The following SNX5 variants were observed in gnomAD, a reference collection of about 807,000 sequenced individuals.
SNX5 encodes the protein sorting nexin 5.
In SNX5, 31 loss-of-function variants were observed where a neutral mutation model predicts 53.9. The observed-to-expected ratio is 0.58, with a 90% CI of 0.43 to 0.78. The LOEUF is 0.78. SNX5 is among the 30% of genes least tolerant of loss of function. SNX5 has a pLI of 0.00. For synonymous variants in SNX5, 168 were observed against 171.1 expected, an observed-to-expected ratio of 0.98 and a Z score of 0.14; for missense variants, 471 against 478.8, an observed-to-expected ratio of 0.98 and a Z score of 0.15.
At chr20:17,951,737 C>T in intron 5 of SNX5, 142 bp from the exon 6 acceptor site, 3 of 606,752 alleles carry the variant, frequency 4.9e-6, no homozygotes, top group Non-Finnish European at 5.9e-6. Flanking sequence ...CCTTAACCTC[C>T]AAGCTTAAAA....
Position 17,968,698 on chromosome 20 carries a change from AC to A in SNX5, c.-274del. The A allele has an allele frequency of 2.0e-6, 1 of 495,450 alleles. No homozygotes were observed. The highest frequency in any genetic ancestry group is 3.7e-5 in the Admixed American group (1 of 27,038). The allele number at this position is 495,450 out of a possible 1,614,324, so 30.7% of individuals were successfully genotyped here. On this transcript the variant is annotated 5_prime_UTR_variant, in exon 1 of 13. Coordinates refer to ENST00000377759, the MANE Select transcript of SNX5 (RefSeq NM_014426.4). ...CGGGCAAAGACGCCACGTGGGGCCT[AC>A]CCTTGCTCCGCTCCACGAGGAGGCC...
At chr20:17,955,647 C>T (rs2035340462) in intron 2 of SNX5, among the ~76,000 whole-genome samples, 172 bp from the exon 3 acceptor site, 1 of 152,218 alleles carries the variant, frequency 6.6e-6, no homozygotes, top group Non-Finnish European at 1.5e-5. Context: ...AAGATTCAAC[C>T]TGAACTCTAA....
At chr20:17,958,002 CAAAAAAA>C (rs59621613) in intron 1 of SNX5, among the ~76,000 whole-genome samples, 13 of 107,864 alleles carry the variant, frequency 1.2e-4, no homozygotes, top group Admixed American at 2.9e-4. Flanking sequence ...TTCTGCCCGT[CAAAAAAA>C]AAAAAAAAAA....
intron 1 of SNX5, among the ~76,000 whole-genome samples, chr20:17,959,872 A>C (rs552823664): frequency 6.6e-6 from 1 of 152,252 alleles, no homozygotes; most frequent in Admixed American, 6.5e-5. Context: ...AATAATTGCC[A>C]GGCTCCACTC....
Position 17,955,455 on chromosome 20 carries a change from C to T in SNX5, c.177G>A (p.Gln59=). 1.2e-6 allele frequency: 2 copies of T among 1,614,006 alleles called. No individual in the cohort carries two copies. The highest frequency in any genetic ancestry group is 1.7e-6 in the Non-Finnish European group (2 of 1,179,916). ...VHTKTTLPTF[Q]SPEFSVTRQH... The stretch of plus-strand genomic sequence containing the variant: ...GCCTTGTAACAGAAAACTCTGGGCT[C>T]TGAAACGTGGGCAGTGTGGTCTGTA... Residue 59 remains glutamine (Q), a synonymous_variant, in exon 3 of 13, where the codon CAG becomes CAA. Transcript: ENST00000377759.
At chr20:17,949,245 C>A (rs1600336592) in intron 8 of SNX5, 142 bp from the exon 9 acceptor site, 3 of 673,796 alleles carry the variant, frequency 4.5e-6, no homozygotes, top group Non-Finnish European at 7.8e-6. Flanking sequence ...AGTGCTCTCA[C>A]TTCAACTGAC....
chr20:17,942,488 G>A (rs140282034), intron 12 of SNX5, 81 bp from the exon 13 acceptor site: 249 of 1,043,950 alleles, frequency 2.4e-4, no homozygotes, highest in African/African-American at 2.2e-3. Flanking sequence ...ACACCAACAC[G>A]GCTTTTCACG....
At chr20:17,968,344 G>A (rs769390124) in intron 1 of SNX5, 31 bp downstream of exon 1, 4 of 1,259,410 alleles carry the variant, frequency 3.2e-6, no homozygotes, top group Middle Eastern at 3.1e-4. Flanking sequence ...AGGGCCGCCC[G>A]CCCAGGAGTC....
At chr20:17,948,184 C>G (rs2039512194) in intron 10 of SNX5, among the ~76,000 whole-genome samples, 1 of 152,190 alleles carries the variant, frequency 6.6e-6, no homozygotes, top group Non-Finnish European at 1.5e-5. Context: ...ACATTTAAAA[C>G]TAGGTGAAAT....
chr20:17,942,931 T>C (rs6075267), intron 12 of SNX5, 179 bp downstream of exon 12: 47,785 of 525,888 alleles, frequency 0.091, 3,112 homozygotes, highest in Middle Eastern at 0.15. Context: ...AAATTAGTCA[T>C]GGGTGACATT....
At position 17,966,021 on chromosome 20, in the gene SNX5, GAGC is replaced by G. The variant is rs143727704; in HGVS notation, c.51+2351_51+2353del. 2.0e-5 allele frequency among the ~76,000 whole-genome samples: 3 copies of G among 152,184 alleles called. No individual in the cohort carries two copies. In the East Asian group the frequency reaches 5.8e-4, roughly 29 times the overall value. ...TCCACACCAGTTAAACACGAAACCA[GAGC>G]AGCAGTACTTAGTCTACAAACACTC... On this transcript the variant is annotated intron_variant, in intron 1 of 12. Coordinates refer to ENST00000377759, the MANE Select transcript of SNX5 (RefSeq NM_014426.4).
chr20:17,947,729 T>C, intron 10 of SNX5, 84 bp from the exon 11 acceptor site: 3 of 1,173,870 alleles, frequency 2.6e-6, no homozygotes, highest in Non-Finnish European at 3.5e-6. Context: ...CCACCTGAGA[T>C]GTTAGTGGCA....
intron 1 of SNX5, chr20:17,967,846 C>T (rs778770733): frequency 5.1e-6 from 2 of 390,552 alleles, no homozygotes; most frequent in Non-Finnish European, 9.0e-6. Flanking sequence ...AAAAATTACA[C>T]AACTCCCACA....
chr20:17,946,073 T>C (rs1327413635), intron 11 of SNX5, among the ~76,000 whole-genome samples: 1 of 152,176 alleles, frequency 6.6e-6, no homozygotes, highest in Non-Finnish European at 1.5e-5. Context: ...CAGAATCCTC[T>C]TAGGTAAGGA....
At position 17,943,097 on chromosome 20, in the gene SNX5, A is replaced by G; in HGVS notation, c.1164+13T>C. ...CATAAAAGATGTTGGCTTCATCTGTAGAAAACACTTACCCTGGCATGTTTT... is the reference window on the plus strand; with the variant it reads ...CATAAAAGATGTTGGCTTCATCTGTGGAAAACACTTACCCTGGCATGTTTT... On this transcript the variant is annotated intron_variant, in intron 12 of 12. Coordinates refer to ENST00000377759, the MANE Select transcript of SNX5 (RefSeq NM_014426.4). 6.4e-7 allele frequency: 1 copy of G among 1,552,104 alleles called. No individual in the cohort carries two copies. Among genetic ancestry groups the G allele is most frequent in the South Asian group, 1.1e-5 (1 of 89,392 alleles).
rs183920224 is a variant in SNX5 at position 17,962,931 on chromosome 20, T to A, written c.51+5444A>T. Reference sequence around the variant, plus strand: ...CAGCGCACTCAGCGAATGGATAAACTGAATCATCATTTCACAAGGCTGCAA... The same window carrying A: ...CAGCGCACTCAGCGAATGGATAAACAGAATCATCATTTCACAAGGCTGCAA... On this transcript the variant is annotated intron_variant, in intron 1 of 12. Transcript: ENST00000377759. 7.7e-6 allele frequency: 4 copies of A among 516,876 alleles called. No individual in the cohort carries two copies. In the Admixed American group the frequency reaches 7.8e-5, roughly 10 times the overall value. 32.0% of individuals were successfully genotyped at this position (516,876 alleles called of 1,614,324 possible). A position where few individuals can be genotyped will look rare whatever the true frequency, so the allele number is the denominator to read the frequency against.
intron 2 of SNX5, among the ~76,000 whole-genome samples, chr20:17,955,983 A>G (rs1418582769): frequency 1.7e-4 from 26 of 152,084 alleles, no homozygotes; most frequent in Admixed American, 1.7e-3. Flanking sequence ...TTTGGAAGAG[A>G]CAGGTTTTTG....
At chr20:17,959,307 T>G (rs1194091139) in intron 1 of SNX5, among the ~76,000 whole-genome samples, 2 of 152,186 alleles carry the variant, frequency 1.3e-5, no homozygotes, top group Non-Finnish European at 2.9e-5. Context: ...TCTCTTTTCG[T>G]CCCTTTCCCC....
Position 17,942,095 on chromosome 20 carries a change from G to C in SNX5, c.*262C>G, listed in dbSNP as rs1437344760. On this transcript the variant is annotated 3_prime_UTR_variant, in exon 13 of 13. Coordinates refer to ENST00000377759, the MANE Select transcript of SNX5 (RefSeq NM_014426.4). ...CCTACACCCTTTCTTAGTAACTAAA[G>C]ACGAACTACGGGAGAACCCAGTATT... 1 of 410,772 alleles carries C rather than the reference G, an allele frequency of 2.4e-6. No individual in the cohort carries two copies. The highest frequency in any genetic ancestry group is 2.1e-5 in the African/African-American group (1 of 48,584). The allele number at this position is 410,772 out of a possible 1,614,324, so 25.4% of individuals were successfully genotyped here.
Sources: allele counts gnomAD v4.1 joint callset (sites outside exome capture counted in the v4.1 genomes callset), GRCh38; gene constraint gnomAD v4.1.1; transcripts MANE v1.5; gene names NCBI Gene and HGNC (gene_info 2026-07-23, HGNC 2026-07-21).